The following ASTN2 variants were observed in gnomAD, a reference collection of about 807,000 sequenced individuals.
ASTN2 encodes astrotactin-2.
In ASTN2, 54 loss-of-function variants were observed where a neutral mutation model predicts 139.8. The ratio of observed to expected loss-of-function variants is 0.39; its 90% CI spans 0.31 to 0.48. The LOEUF (loss-of-function observed/expected upper bound fraction) is 0.48. Ranked by LOEUF, ASTN2 falls within the 20% of genes least tolerant of loss-of-function variation. The probability of loss-of-function intolerance (pLI) is 0.95; values close to 1 mark genes in which losing one functional copy is unlikely to be tolerated. For synonymous variants in ASTN2, 756 were observed against 719.5 expected, an observed-to-expected ratio of 1.05 and a Z score of -0.81; for missense variants, 1,565 against 1,725.1, an observed-to-expected ratio of 0.91 and a Z score of 1.64.
intron 22 of ASTN2, among the ~76,000 whole-genome samples, chr9:116,436,462 T>C (rs1288802842): frequency 2.6e-5 from 4 of 152,158 alleles, no homozygotes; most frequent in Non-Finnish European, 5.9e-5. Flanking sequence ...AACAACTAAT[T>C]ATTTAGCACT....
intron 6 of ASTN2, among the ~76,000 whole-genome samples, chr9:117,028,294 G>C (rs112869337): frequency 5.3e-5 from 8 of 152,172 alleles, no homozygotes; most frequent in African/African-American, 1.9e-4. Flanking sequence ...GGTTCAGAAA[G>C]TTGCCAAGAG....
chr9:116,565,423 A>T (rs5017822), intron 19 of ASTN2, among the ~76,000 whole-genome samples: 22,327 of 66,140 alleles, frequency 0.34, 3,881 homozygotes, highest in South Asian at 0.55. Flanking sequence ...ATATATATAT[A>T]TATATATTTA....
intron 10 of ASTN2, among the ~76,000 whole-genome samples, chr9:116,904,069 C>T (rs1244432318): frequency 2.6e-5 from 4 of 152,356 alleles, no homozygotes; most frequent in South Asian, 2.1e-4. Context: ...CCCCATCCTT[C>T]TACCATCCTT....
At chr9:116,499,170 T>A (rs1849771095) in intron 19 of ASTN2, among the ~76,000 whole-genome samples, 1 of 152,234 alleles carries the variant, frequency 6.6e-6, no homozygotes, top group Non-Finnish European at 1.5e-5. Context: ...TTACTGTGTT[T>A]GTCACTTTAT....
At chr9:116,798,758 A>G (rs1271906538) in intron 13 of ASTN2, among the ~76,000 whole-genome samples, 2 of 152,220 alleles carry the variant, frequency 1.3e-5, no homozygotes, top group African/African-American at 4.8e-5. Context: ...CTATGAAAGC[A>G]TTAATGGAAG....
intron 4 of ASTN2, among the ~76,000 whole-genome samples, chr9:117,116,259 G>C (rs1829388809): frequency 1.3e-5 from 2 of 152,146 alleles, no homozygotes; most frequent in African/African-American, 4.8e-5. Flanking sequence ...TGAGAATGGA[G>C]GAAAGATGAT....
chr9:117,197,135 G>A (rs1031369706), intron 3 of ASTN2: 1 of 152,176 alleles, frequency 6.6e-6, no homozygotes. Context: ...AGGGCAATCT[G>A]GCTGTGACAT....
At chr9:117,261,181 G>A (rs376065781) in intron 2 of ASTN2, among the ~76,000 whole-genome samples, 10 of 152,130 alleles carry the variant, frequency 6.6e-5, no homozygotes, top group African/African-American at 1.2e-4. Context: ...CATTTGAGGG[G>A]ATGAAAGACA....
intron 16 of ASTN2, among the ~76,000 whole-genome samples, chr9:116,660,168 G>GAA (rs1554727030): frequency 1.4e-5 from 2 of 146,576 alleles, no homozygotes; most frequent in Non-Finnish European, 3.0e-5. Flanking sequence ...TATTGCAAGC[G>GAA]CACACACACA....
chr9:116,572,998 C>T (rs1588024809), intron 19 of ASTN2, among the ~76,000 whole-genome samples: 1 of 147,086 alleles, frequency 6.8e-6, no homozygotes, highest in African/African-American at 2.6e-5. Context: ...CATGCGTGCA[C>T]ACATGTGGGT....
chr9:116,456,314 C>A (rs1385181381), intron 20 of ASTN2, among the ~76,000 whole-genome samples: 2 of 151,860 alleles, frequency 1.3e-5, no homozygotes, highest in African/African-American at 4.8e-5. Flanking sequence ...TGAAATATTT[C>A]TACAAAAAAA....
chr9:117,183,874 G>A (rs1474460484), intron 3 of ASTN2, among the ~76,000 whole-genome samples: 1 of 152,126 alleles, frequency 6.6e-6, no homozygotes, highest in Non-Finnish European at 1.5e-5. Context: ...ATCCTCTACT[G>A]CCCTCCCTCT....
intron 10 of ASTN2, among the ~76,000 whole-genome samples, chr9:116,864,886 TACTG>T (rs979230857): frequency 1.1e-4 from 16 of 152,340 alleles, no homozygotes; most frequent in African/African-American, 2.6e-4. Context: ...CCATCTTTCA[TACTG>T]ACTGTCAGTG....
chr9:117,300,515 T>C (rs1834849078), intron 1 of ASTN2, among the ~76,000 whole-genome samples: 1 of 152,216 alleles, frequency 6.6e-6, no homozygotes, highest in Non-Finnish European at 1.5e-5. Flanking sequence ...ATGATAAGTG[T>C]GTGGTAATGA....
At chr9:117,150,217 G>A (rs541797445) in intron 3 of ASTN2, among the ~76,000 whole-genome samples, 5 of 152,236 alleles carry the variant, frequency 3.3e-5, no homozygotes, top group African/African-American at 7.2e-5. Context: ...GATTCCCTCC[G>A]GTTCCATCAT....
At chr9:116,991,655 TAGTCAGGGGCAG>T (rs1182631600) in intron 7 of ASTN2, among the ~76,000 whole-genome samples, 2 of 150,230 alleles carry the variant, frequency 1.3e-5, no homozygotes, top group East Asian at 2.0e-4. Context: ...ATTATACCAA[TAGTCAGGGGCAG>T]AGTCAGGGGC....
chr9:117,126,257 T>C (rs919363149), intron 4 of ASTN2, among the ~76,000 whole-genome samples: 1 of 152,236 alleles, frequency 6.6e-6, no homozygotes. Context: ...CCCACACAGG[T>C]AATGTGAATG....
Position 116,740,854 on chromosome 9 carries a change from A to G in ASTN2, c.2397-7331T>C, listed in dbSNP as rs184036675. Among the ~76,000 whole-genome samples, 536 of 151,184 alleles carry G rather than the reference A, an allele frequency of 3.5e-3. 4 individuals carry two copies. The highest frequency in any genetic ancestry group is 0.01 in the African/African-American group (430 of 41,150). On this transcript the variant is annotated intron_variant, in intron 13 of 22. Transcript: ENST00000313400. Reference sequence around the variant, plus strand: ...ATGCTAGCTTATTTTCCTGAATCCCATACTAGATTCTGAATCTCTCCAAGG... The same window carrying G: ...ATGCTAGCTTATTTTCCTGAATCCCGTACTAGATTCTGAATCTCTCCAAGG...
At chr9:117,187,087 C>CCA (rs1380935473) in intron 3 of ASTN2, among the ~76,000 whole-genome samples, 4 of 152,136 alleles carry the variant, frequency 2.6e-5, no homozygotes, top group African/African-American at 9.7e-5. Flanking sequence ...TGAGATTGTG[C>CCA]CACTGCACTC....
Sources: allele counts gnomAD v4.1 joint callset (sites outside exome capture counted in the v4.1 genomes callset), GRCh38; gene constraint gnomAD v4.1.1; transcripts MANE v1.5; gene names NCBI Gene and HGNC (gene_info 2026-07-23, HGNC 2026-07-21).